SULT2A1: variants seen among roughly 807,000 people sequenced by gnomAD.
SULT2A1 encodes the protein sulfotransferase family 2A member 1.
In SULT2A1, 43 loss-of-function variants were observed where a neutral mutation model predicts 33.9. The observed-to-expected ratio is 1.27, with a 90% CI of 1.00 to 1.64. The LOEUF is 1.64. Ranked by LOEUF, SULT2A1 falls within the 40% of genes most tolerant of loss-of-function variation. The probability of loss-of-function intolerance (pLI) is 0.00; values close to 1 mark genes in which losing one functional copy is unlikely to be tolerated. For missense variants in SULT2A1, 300 were observed against 335.1 expected, an observed-to-expected ratio of 0.90 and a Z score of 0.82; for synonymous variants, 125 against 113.6, an observed-to-expected ratio of 1.10 and a Z score of -0.64.
intron 3 of SULT2A1, among the ~76,000 whole-genome samples, chr19:47,881,146 G>A (rs959776192): frequency 3.2e-4 from 48 of 151,832 alleles, no homozygotes; most frequent in African/African-American, 1.1e-3. Context: ...AGCAATTCTC[G>A]TGCCTCAGCC....
chr19:47,884,936 C>G (rs771811932), intron 1 of SULT2A1, among the ~76,000 whole-genome samples: 1 of 151,610 alleles, frequency 6.6e-6, no homozygotes, highest in Admixed American at 6.6e-5. Context: ...GTCAGCCTCC[C>G]GAGTAGCTGG....
In SULT2A1 at chr19:47,883,687, C is replaced by T. The variant is rs954976546; in HGVS notation, c.235G>A (p.Glu79Lys). 2.5e-6 allele frequency: 4 copies of T among 1,614,144 alleles called. No individual in the cohort carries two copies. The Middle Eastern group carries it at 6.6e-4, about 267-fold the overall frequency. The change falls in exon 2 of 6, where the codon GAG becomes AAG. Residue 79 changes from glutamate to lysine, a missense_variant. Coordinates refer to ENST00000222002, the MANE Select transcript of SULT2A1 (RefSeq NM_003167.4). ...AGTGCTGTATACCCAATCTCACTCT[C>T]TACCCAGGGTGATCGCTCCCAGATG... ...VPIWERSPWV[E>K]SEIGYTALSE...
intron 3 of SULT2A1, among the ~76,000 whole-genome samples, chr19:47,881,779 A>G (rs988201228): frequency 6.6e-6 from 1 of 152,248 alleles, no homozygotes; most frequent in East Asian, 1.9e-4. Context: ...CCCGGAAGCC[A>G]GTGAAAAGCT....
chr19:47,879,210 C>A, intron 3 of SULT2A1, 80 bp from the exon 4 acceptor site: 1 of 848,590 alleles, frequency 1.2e-6, no homozygotes, highest in South Asian at 1.4e-5. Context: ...CATCCCCCCA[C>A]CGGCTTGTTA....
chr19:47,876,796 C>T lies in SULT2A1; in HGVS notation c.568-1962G>A, dbSNP rs907916123. On this transcript the variant is annotated intron_variant, in intron 4 of 5. Coordinates refer to ENST00000222002, the MANE Select transcript of SULT2A1 (RefSeq NM_003167.4). Reference sequence around the variant, plus strand: ...AAAAAAAAAAAAAAAAAAAGATGGCCGGGCGCGGTGGCTCATGCCTGTAAT... The same window carrying T: ...AAAAAAAAAAAAAAAAAAAGATGGCTGGGCGCGGTGGCTCATGCCTGTAAT... 2.1e-3 allele frequency among the ~76,000 whole-genome samples: 267 copies of T among 125,628 alleles called. 1 individual carries two copies. The highest frequency in any genetic ancestry group is 7.6e-3 in the African/African-American group (254 of 33,304). 82.4% of individuals were successfully genotyped at this position (125,628 alleles called of 152,430 possible). A position where few individuals can be genotyped will look rare whatever the true frequency, so the allele number is the denominator to read the frequency against.
chr19:47,875,722 A>G (rs1968537712), intron 4 of SULT2A1, among the ~76,000 whole-genome samples: 2 of 152,188 alleles, frequency 1.3e-5, no homozygotes, highest in South Asian at 4.1e-4. Flanking sequence ...ATTTTCCCGT[A>G]TGGTAGAGTT....
chr19:47,871,174 T>G lies in SULT2A1; in HGVS notation c.*281A>C. The G allele has an allele frequency of 4.0e-6, 1 of 249,502 alleles. No individual in the cohort carries two copies. Among genetic ancestry groups the G allele is most frequent in the Non-Finnish European group, 7.6e-6 (1 of 132,370 alleles). The allele number at this position is 249,502 out of a possible 1,614,324, so 15.5% of individuals were successfully genotyped here. A position where few individuals can be genotyped will look rare whatever the true frequency, so the allele number is the denominator to read the frequency against. On this transcript the variant is annotated 3_prime_UTR_variant, in exon 6 of 6. Transcript: ENST00000222002. ...TTTTTTTTGGTTTTTGTATTTTTAG[T>G]AGAGATGGGGTTTCACCGTGTTAGC...
intron 5 of SULT2A1, among the ~76,000 whole-genome samples, chr19:47,871,918 T>C (rs1968496282): frequency 6.6e-6 from 1 of 152,080 alleles, no homozygotes; most frequent in Admixed American, 6.6e-5. Context: ...TCTGCTTTTT[T>C]TTCTTTTTTT....
intron 2 of SULT2A1, 120 bp downstream of exon 2, chr19:47,883,457 G>T: frequency 1.0e-6 from 1 of 995,438 alleles, no homozygotes; most frequent in Non-Finnish European, 1.5e-6. Flanking sequence ...GGAATCTCAG[G>T]TCTCAACAAC....
intron 1 of SULT2A1, among the ~76,000 whole-genome samples, chr19:47,884,934 C>A (rs1372286748): frequency 6.6e-6 from 1 of 150,720 alleles, no homozygotes; most frequent in Non-Finnish European, 1.5e-5. Flanking sequence ...TGGTCAGCCT[C>A]CCGAGTAGCT....
chr19:47,873,025 G>A (rs866651113), intron 5 of SULT2A1, among the ~76,000 whole-genome samples: 16 of 152,054 alleles, frequency 1.1e-4, no homozygotes, highest in Admixed American at 9.2e-4. Context: ...GTCTCTCAAA[G>A]TGCTGGGATT....
chr19:47,876,239 C>T (rs555608462), intron 4 of SULT2A1, among the ~76,000 whole-genome samples: 44 of 152,248 alleles, frequency 2.9e-4, no homozygotes, highest in African/African-American at 1.0e-3. Context: ...TGGGTTCCAA[C>T]TCCTGAGCTC....
intron 2 of SULT2A1, 146 bp downstream of exon 2, chr19:47,883,431 A>T (rs1165437152): frequency 6.5e-6 from 5 of 768,178 alleles, no homozygotes; most frequent in African/African-American, 1.7e-5. Flanking sequence ...GCAGCCACAT[A>T]GGTGTCACCT....
Position 47,886,105 on chromosome 19 carries a change from C to T in SULT2A1, c.136+17G>A, listed in dbSNP as rs543146531. On this transcript the variant is annotated intron_variant, in intron 1 of 5. Coordinates refer to ENST00000222002, the MANE Select transcript of SULT2A1 (RefSeq NM_003167.4). ...CACAACCACAGCCTTTCTCAGTTCACGATTCTGCCTCCTTACCTGATTTGG... is the reference window on the plus strand; with the variant it reads ...CACAACCACAGCCTTTCTCAGTTCATGATTCTGCCTCCTTACCTGATTTGG... The T allele has an allele frequency of 5.2e-5, 83 of 1,611,610 alleles. 1 individual carries two copies. The highest frequency in any genetic ancestry group is 5.0e-4 in the Middle Eastern group (3 of 6,052).
At chr19:47,874,232 G>A (rs1240354065) in intron 5 of SULT2A1, among the ~76,000 whole-genome samples, 1 of 152,054 alleles carries the variant, frequency 6.6e-6, no homozygotes, top group African/African-American at 2.4e-5. Context: ...AGTGTTCTGG[G>A]CGATGAGCAA....
Position 47,874,843 on chromosome 19 carries a change from G to C in SULT2A1, c.568-9C>G, listed in dbSNP as rs572409578. On this transcript the variant is annotated splice_polypyrimidine_tract_variant and intron_variant, in intron 4 of 5. Transcript: ENST00000222002. ...ATGGTTCTTCCTGTGTCCTAAAAAA[G>C]AAAAATCAAGAGAGAGGATACGAAA... is the stretch of plus-strand genomic sequence containing the variant. 9.9e-6 allele frequency: 16 copies of C among 1,610,010 alleles called. 1 individual carries two copies. The South Asian group carries it at 1.5e-4, about 16-fold the overall frequency.
chr19:47,873,614 C>CT (rs61271763), intron 5 of SULT2A1, among the ~76,000 whole-genome samples: 772 of 62,098 alleles, frequency 0.012, 131 homozygotes, highest in African/African-American at 0.037. Context: ...GGACAGATCT[C>CT]TTTTTTTTTT....
At chr19:47,884,162 A>ATTAT (rs143122894) in intron 1 of SULT2A1, among the ~76,000 whole-genome samples, 48,415 of 144,524 alleles carry the variant, frequency 0.33, 8,295 homozygotes, top group Middle Eastern at 0.38. Flanking sequence ...TAATTTTTTT[A>ATTAT]TTATTTATTT....
At chr19:47,872,805 C>CAGGA (rs1424270837) in intron 5 of SULT2A1, among the ~76,000 whole-genome samples, 1 of 148,746 alleles carries the variant, frequency 6.7e-6, no homozygotes, top group Admixed American at 6.8e-5. Flanking sequence ...GTCTCCCAGG[C>CAGGA]AGGAGTACAG....
Sources: allele counts gnomAD v4.1 joint callset (sites outside exome capture counted in the v4.1 genomes callset), GRCh38; gene constraint gnomAD v4.1.1; transcripts MANE v1.5; gene names NCBI Gene and HGNC (gene_info 2026-07-23, HGNC 2026-07-21).